PILRA: variants seen among roughly 807,000 people sequenced by gnomAD.
The protein encoded by PILRA is paired immunoglobin like type 2 receptor alpha, also known as paired immunoglobulin-like type 2 receptor alpha.
PILRA carries 37 observed loss-of-function variants against 33.1 expected under a neutral mutation model. The observed-to-expected ratio is 1.12, with a 90% confidence interval of 0.86 to 1.47. The LOEUF is 1.47. PILRA is among the 40% of genes most tolerant of loss of function. The pLI, the probability that PILRA is intolerant of heterozygous loss-of-function variation, is 0.00. For synonymous variants in PILRA, 146 were observed against 149.9 expected (o/e 0.97, Z 0.19); for missense variants, 312 against 376.2 (o/e 0.83, Z 1.41).
chr7:100,373,776 AC>A, intron 1 of PILRA, 56 bp downstream of exon 1: 3 of 1,601,868 alleles, frequency 1.9e-6, no homozygotes, highest in Non-Finnish European at 8.5e-7. Context: ...GGAGGGGCCA[AC>A]CCGAGACAAA....
rs181622005 is a variant in PILRA at position 100,386,452 on chromosome 7, C to T, written c.455-3436C>T. Among the ~76,000 whole-genome samples the T allele has an allele frequency of 6.0e-4, 91 of 151,682 alleles. 1 individual carries two copies. Among genetic ancestry groups the T allele is most frequent in the African/African-American group, 2.1e-3 (86 of 41,324 alleles). On this transcript the variant is annotated intron_variant, in intron 2 of 6. Coordinates refer to ENST00000198536, the MANE Select transcript of PILRA (RefSeq NM_013439.3). ...CAGGGAGTTGGAGGTTGCAGTGAGC[C>T]GAGATTGTACCACTGCACTTTGTTG...
At chr7:100,378,011 T>C (rs1192143547) in intron 2 of PILRA, among the ~76,000 whole-genome samples, 1 of 152,200 alleles carries the variant, frequency 6.6e-6, no homozygotes, top group Non-Finnish European at 1.5e-5. Flanking sequence ...CACATTTCAA[T>C]GCCTAAGACT....
intron 2 of PILRA, among the ~76,000 whole-genome samples, chr7:100,384,916 C>T (rs935325269): frequency 6.6e-6 from 1 of 152,096 alleles, no homozygotes. Context: ...ACAGAGACGT[C>T]TCAGAAGGAG....
intron 2 of PILRA, among the ~76,000 whole-genome samples, chr7:100,385,925 G>A (rs1266709300): frequency 1.3e-5 from 2 of 151,068 alleles, no homozygotes; most frequent in African/African-American, 2.4e-5. Flanking sequence ...CACCACACCC[G>A]GCCTATGTCT....
intron 2 of PILRA, chr7:100,376,423 A>G (rs940266981): frequency 6.6e-5 from 10 of 151,974 alleles, no homozygotes; most frequent in African/African-American, 2.4e-4. Flanking sequence ...CAATTAGTTG[A>G]ATATTCATGC....
intron 4 of PILRA, among the ~76,000 whole-genome samples, chr7:100,398,461 T>C (rs1280117376): frequency 6.6e-6 from 1 of 152,074 alleles, no homozygotes; most frequent in Non-Finnish European, 1.5e-5. Flanking sequence ...CTCCCACCTC[T>C]CTTTCCTTTC....
chr7:100,371,322 A>G (rs564549893), upstream of PILRA, among the ~76,000 whole-genome samples: 10 of 152,246 alleles, frequency 6.6e-5, no homozygotes, highest in South Asian at 2.1e-4. Flanking sequence ...GGTATTATAA[A>G]TCTTCCACCT....
rs1433020177 is a variant in PILRA, at chr7:100,374,346, T to C, written c.367T>C (p.Tyr123His). ...CCTGCAGAAGCAGGACCAGTCTGTG[T>C]ATTTCTGCCGAGTTGAGCTGGACAC... is the stretch of plus-strand genomic sequence containing the variant. The part of the protein sequence containing the change: ...SNLQKQDQSV[Y>H]FCRVELDTRS... Residue 123 changes from tyrosine to histidine, a missense_variant, in exon 2 of 7, where the codon TAT becomes CAT. Transcript: ENST00000198536. 1.9e-6 allele frequency: 3 copies of C among 1,613,970 alleles called. No individual in the cohort carries two copies. The African/African-American group carries it at 4.0e-5, about 22-fold the overall frequency.
In PILRA at chr7:100,397,869, C is replaced by T. The variant is rs1200140391; in HGVS notation, c.674-10C>T. The T allele has an allele frequency of 6.2e-7, 1 of 1,613,418 alleles. No homozygotes were observed. The highest frequency in any genetic ancestry group is 1.3e-5 in the African/African-American group (1 of 75,002). ...GATGCCACCCTGACTCACTGTTGGT[C>T]CCCCTACAGGTCAGCAGCGGACTAA... On this transcript the variant is annotated splice_polypyrimidine_tract_variant and intron_variant, in intron 3 of 6. Transcript: ENST00000198536.
intron 2 of PILRA, among the ~76,000 whole-genome samples, chr7:100,376,702 T>A (rs180737549): frequency 1.3e-5 from 2 of 150,304 alleles, no homozygotes; most frequent in East Asian, 3.9e-4. Flanking sequence ...CCTCAGATGA[T>A]CTGCCCAGCT....
intron 3 of PILRA, among the ~76,000 whole-genome samples, chr7:100,395,110 TTC>T (rs1791468582): frequency 6.6e-6 from 1 of 152,140 alleles, no homozygotes; most frequent in Non-Finnish European, 1.5e-5. Flanking sequence ...ATTCCTATAA[TTC>T]AACAACAAAA....
intron 3 of PILRA, among the ~76,000 whole-genome samples, chr7:100,390,612 G>T (rs1051902065): frequency 6.6e-6 from 1 of 152,208 alleles, no homozygotes; most frequent in Non-Finnish European, 1.5e-5. Flanking sequence ...CATTGAGAAA[G>T]AACTATGGTA....
chr7:100,383,780 G>T (rs1310452069), intron 2 of PILRA, among the ~76,000 whole-genome samples: 2 of 152,086 alleles, frequency 1.3e-5, no homozygotes, highest in Non-Finnish European at 2.9e-5. Flanking sequence ...GGGATTACAG[G>T]TACCTGCCAC....
At position 100,382,654 on chromosome 7, in the gene PILRA, G is replaced by GC. The variant is rs563719711; in HGVS notation, c.455-7228dup. On this transcript the variant is annotated intron_variant, in intron 2 of 6. Coordinates refer to ENST00000198536, the MANE Select transcript of PILRA (RefSeq NM_013439.3). The stretch of plus-strand genomic sequence containing the variant: ...CCAGGTAAGGGAATAAAAGCAGGCT[G>GC]CCCCCCTGAGCAGTATCAACTGGCT... Among the ~76,000 whole-genome samples, 148 of 152,284 alleles carry GC rather than the reference G, an allele frequency of 9.7e-4. 1 individual carries two copies. Among genetic ancestry groups the GC allele is most frequent in the Non-Finnish European group, 1.3e-3 (91 of 68,008 alleles).
intron 2 of PILRA, among the ~76,000 whole-genome samples, chr7:100,388,914 T>C (rs566820337): frequency 1.2e-4 from 18 of 152,218 alleles, no homozygotes; most frequent in African/African-American, 3.6e-4. Context: ...AATGTTTCCA[T>C]TGAGGTGGAT....
rs561610658 is a variant in PILRA, at chr7:100,381,215, G to A, written c.454+6782G>A. 2.0e-5 allele frequency among the ~76,000 whole-genome samples: 3 copies of A among 152,188 alleles called. No individual in the cohort carries two copies. The South Asian group carries it at 6.2e-4, about 32-fold the overall frequency. On this transcript the variant is annotated intron_variant, in intron 2 of 6. Transcript: ENST00000198536. ...CGGGAGGCAGAGCTTGCAGTGAGCC[G>A]AGATCGCGCCACTGCACTCCAGCCT...
intron 1 of PILRA, 102 bp downstream of exon 1, chr7:100,373,822 C>T: frequency 1.4e-6 from 2 of 1,481,230 alleles, no homozygotes; most frequent in Middle Eastern, 1.7e-4. Context: ...AGGCTCCCAC[C>T]ACCAGGAAAC....
At chr7:100,397,975 G>A in intron 4 of PILRA, 63 bp downstream of exon 4, 1 of 1,525,802 alleles carries the variant, frequency 6.6e-7, no homozygotes, top group Non-Finnish European at 9.1e-7. Flanking sequence ...GGCTGATTTG[G>A]GAAACAGGGA....
chr7:100,399,473 C>A, intron 5 of PILRA, 108 bp from the exon 6 acceptor site: 1 of 1,439,006 alleles, frequency 6.9e-7, no homozygotes. Flanking sequence ...CCTCACGTGA[C>A]CCTGGCCCTG....
Sources: gnomAD v4.1 joint callset for allele counts (sites outside exome capture counted in the v4.1 genomes callset) on GRCh38, gnomAD v4.1.1 for gene constraint, MANE v1.5 for transcripts, NCBI Gene and HGNC (gene_info 2026-07-23, HGNC 2026-07-21) for gene names.